IGDCC3: variants seen among roughly 807,000 people sequenced by gnomAD.
The protein encoded by IGDCC3 is immunoglobulin superfamily DCC subclass member 3.
In IGDCC3, 47 loss-of-function variants were observed where a neutral mutation model predicts 72.0. That is an observed-to-expected ratio of 0.65 (90% CI 0.52 to 0.83). The LOEUF (loss-of-function observed/expected upper bound fraction) is 0.83. Among genes scored for constraint, IGDCC3 ranks in the 40% least tolerant of loss-of-function variants. The pLI, the probability that IGDCC3 is intolerant of heterozygous loss-of-function variation, is 0.00. For synonymous variants in IGDCC3, 477 were observed against 472.8 expected (o/e 1.01, Z -0.11); for missense variants, 1,038 against 1,091.3 (o/e 0.95, Z 0.69).
chr15:65,348,702 G>T (rs917358346), intron 2 of IGDCC3, among the ~76,000 whole-genome samples: 1 of 152,190 alleles, frequency 6.6e-6, no homozygotes, highest in African/African-American at 2.4e-5. Flanking sequence ...CGACTTAGGA[G>T]GGTTAGAGTC....
chr15:65,365,032 C>T (rs1353297164), intron 2 of IGDCC3, among the ~76,000 whole-genome samples: 1 of 152,134 alleles, frequency 6.6e-6, no homozygotes, highest in African/African-American at 2.4e-5. Flanking sequence ...CAGAGACTCC[C>T]TTACCTGCCC....
chr15:65,368,343 A>C (rs1370860028), intron 2 of IGDCC3, among the ~76,000 whole-genome samples: 1 of 152,092 alleles, frequency 6.6e-6, no homozygotes, highest in Admixed American at 6.5e-5. Context: ...TGCAGGCTGC[A>C]AATGCCTCTC....
At chr15:65,345,592 A>G (rs1006454091) in intron 2 of IGDCC3, among the ~76,000 whole-genome samples, 2 of 150,670 alleles carry the variant, frequency 1.3e-5, no homozygotes, top group South Asian at 2.1e-4. Context: ...ACACACACGC[A>G]TGCACACACA....
intron 2 of IGDCC3, among the ~76,000 whole-genome samples, chr15:65,351,179 G>A (rs924953773): frequency 6.6e-6 from 1 of 152,312 alleles, no homozygotes; most frequent in East Asian, 1.9e-4. Context: ...AAGCACAACA[G>A]GTTTTTCTTA....
chr15:65,343,918 G>A (rs2140149139), intron 2 of IGDCC3, among the ~76,000 whole-genome samples: 1 of 152,348 alleles, frequency 6.6e-6, no homozygotes, highest in African/African-American at 2.4e-5. Flanking sequence ...CTTGTCATCA[G>A]GGTTCTCTGG....
At chr15:65,366,550 G>T (rs1357296821) in intron 2 of IGDCC3, among the ~76,000 whole-genome samples, 1 of 152,120 alleles carries the variant, frequency 6.6e-6, no homozygotes, top group Non-Finnish European at 1.5e-5. Context: ...GCAGGGGGTG[G>T]GGAGTGTCAA....
chr15:65,351,967 T>A (rs781729558), intron 2 of IGDCC3, among the ~76,000 whole-genome samples: 4 of 152,212 alleles, frequency 2.6e-5, no homozygotes, highest in Non-Finnish European at 5.9e-5. Flanking sequence ...TATAATCAAC[T>A]ATAAAACTCT....
In IGDCC3 at chr15:65,377,988, C is replaced by A; in HGVS notation, c.-200G>T. On this transcript the variant is annotated 5_prime_UTR_variant, in exon 1 of 14. Transcript: ENST00000327987. This position sits in a 1 kb window ranked among gnomAD's most constrained non-coding sequence, Gnocchi z 4.9. ...CGCCGCTTGCGCCATCTTGCACCCA[C>A]CCGGGCGATCTGTCAGCCTCGCCCG... The A allele has an allele frequency of 3.4e-6, 1 of 293,002 alleles. No individual in the cohort carries two copies. Among genetic ancestry groups the A allele is most frequent in the South Asian group, 1.4e-4 (1 of 7,404 alleles). 18.2% of individuals were successfully genotyped at this position (293,002 alleles called of 1,614,324 possible). A position where few individuals can be genotyped will look rare whatever the true frequency, so the allele number is the denominator to read the frequency against.
chr15:65,331,688 C>A, intron 7 of IGDCC3, 29 bp from the exon 8 acceptor site: 1 of 1,559,068 alleles, frequency 6.4e-7, no homozygotes, highest in Admixed American at 1.8e-5. Flanking sequence ...GCCTCAGGTT[C>A]CCTCCTCCCT....
Position 65,329,890 on chromosome 15 carries a change from T to A in IGDCC3, c.1859-26A>T. 1.9e-6 allele frequency: 3 copies of A among 1,613,282 alleles called. No individual in the cohort carries two copies. The highest frequency in any genetic ancestry group is 2.5e-6 in the Non-Finnish European group (3 of 1,179,948). ...CTGGGGACAGGGACGGGTTGGAGGC[T>A]TTGGCTCTCCAGGTCTGAAGCACTC... On this transcript the variant is annotated intron_variant, in intron 11 of 13. Transcript: ENST00000327987. This position sits in a 1 kb window ranked among gnomAD's most constrained non-coding sequence, Gnocchi z 4.1.
rs115629517 is a variant in IGDCC3 at position 65,338,692 on chromosome 15, C to T, written c.410-2736G>A. On this transcript the variant is annotated intron_variant, in intron 2 of 13. Coordinates refer to ENST00000327987, the MANE Select transcript of IGDCC3 (RefSeq NM_004884.4). The stretch of plus-strand genomic sequence containing the variant: ...TGGTCAGTCCTGCATATTCCTTAGG[C>T]GTCCTAGGATTTCTGTGAGACCCTG... 7.3e-3 allele frequency among the ~76,000 whole-genome samples: 1,114 copies of T among 152,120 alleles called. 11 individuals carry two copies. The highest frequency in any genetic ancestry group is 0.026 in the African/African-American group (1,059 of 41,492).
At chr15:65,366,692 G>T (rs571810729) in intron 2 of IGDCC3, among the ~76,000 whole-genome samples, 1 of 152,098 alleles carries the variant, frequency 6.6e-6, no homozygotes, top group Non-Finnish European at 1.5e-5. Context: ...GCCCCCCACC[G>T]GCTTGCCTGC....
At chr15:65,362,422 T>A (rs1403973149) in intron 2 of IGDCC3, among the ~76,000 whole-genome samples, 1 of 152,168 alleles carries the variant, frequency 6.6e-6, no homozygotes. Flanking sequence ...GCTCCTCCTA[T>A]GACTTTCAGT....
chr15:65,333,229 C>A, intron 6 of IGDCC3, 28 bp downstream of exon 6: 4 of 1,571,406 alleles, frequency 2.5e-6, no homozygotes, highest in Non-Finnish European at 3.5e-6. Flanking sequence ...GATCCCTGCC[C>A]TCCTCCTCAG....
Position 65,327,364 on chromosome 15 carries a change from C to G in IGDCC3, c.*1545G>C, listed in dbSNP as rs56835863. ...GGAAGGGACTACCCTTCCCCAAGTC[C>G]ACGCGGACACAGCTCTAGTTTTCTA... On this transcript the variant is annotated 3_prime_UTR_variant, in exon 14 of 14. Transcript: ENST00000327987. The G allele has an allele frequency of 1.3e-5, 2 of 152,322 alleles. No individual in the cohort carries two copies. The highest frequency in any genetic ancestry group is 4.1e-4 in the South Asian group (2 of 4,822). 9.4% of individuals were successfully genotyped at this position (152,322 alleles called of 1,614,324 possible). A position where few individuals can be genotyped will look rare whatever the true frequency, so the allele number is the denominator to read the frequency against.
intron 2 of IGDCC3, among the ~76,000 whole-genome samples, chr15:65,361,640 T>C (rs1410753084): frequency 8.7e-5 from 7 of 80,662 alleles, no homozygotes; most frequent in Non-Finnish European, 1.5e-4. Context: ...AGAAGAGTAG[T>C]GAAAGGCCCC....
At chr15:65,357,823 A>C (rs1389858521) in intron 2 of IGDCC3, among the ~76,000 whole-genome samples, 3 of 152,350 alleles carry the variant, frequency 2.0e-5, no homozygotes, top group Non-Finnish European at 4.4e-5. Flanking sequence ...TAGGCCCTTA[A>C]GCCCTCTTGG....
chr15:65,329,682 C>T lies in IGDCC3; in HGVS notation c.1997+44G>A, dbSNP rs1294289606. On this transcript the variant is annotated intron_variant, in intron 12 of 13. Transcript: ENST00000327987. This position sits in a 1 kb window ranked among gnomAD's most constrained non-coding sequence, Gnocchi z 4.1. ...CACACTCACCTTCTCTAGGCCTAGTCCCCCACACACCAGCCCAGCCCCTCT... is the reference window on the plus strand; with the variant it reads ...CACACTCACCTTCTCTAGGCCTAGTTCCCCACACACCAGCCCAGCCCCTCT... 11 of 1,612,754 alleles carry T rather than the reference C, an allele frequency of 6.8e-6. No homozygotes were observed. The African/African-American group carries it at 1.2e-4, about 18-fold the overall frequency.
rs1237210204 is a variant in IGDCC3, at chr15:65,332,040, G to A, written c.1049C>T (p.Thr350Ile). ...CGGTGGCTCACCCTGGGCTTGGCAGGTGAACATGGCTGTGGTCCCAGCTGG... is the reference window on the plus strand; with the variant it reads ...CGGTGGCTCACCCTGGGCTTGGCAGATGAACATGGCTGTGGTCCCAGCTGG... ...SRPAGTTAMFTCQAQGEPPPH... is the reference protein window; with the variant it reads ...SRPAGTTAMFICQAQGEPPPH... The change falls in exon 7 of 14, where the codon ACC becomes ATC. Residue 350 changes from threonine to isoleucine, a missense_variant. Transcript: ENST00000327987. The A allele has an allele frequency of 1.9e-6, 3 of 1,614,100 alleles. No homozygotes were observed. The highest frequency in any genetic ancestry group is 1.3e-5 in the African/African-American group (1 of 74,952).
Sources: gnomAD v4.1 joint callset for allele counts (sites outside exome capture counted in the v4.1 genomes callset) on GRCh38, gnomAD v4.1.1 for gene constraint, Gnocchi (gnomAD v3.1) non-coding constraint, MANE v1.5 for transcripts, NCBI Gene and HGNC (gene_info 2026-07-23, HGNC 2026-07-21) for gene names.